CPXCR1: variants seen among roughly 807,000 people sequenced by gnomAD.
CPXCR1 encodes CPX chromosomal region candidate gene 1 protein.
In CPXCR1, 15 loss-of-function variants were observed where a neutral mutation model predicts 13.8. That is an observed-to-expected ratio of 1.09 (90% CI 0.73 to 1.67). The LOEUF (loss-of-function observed/expected upper bound fraction) is 1.67, where lower values mean the gene tolerates loss of function less well. CPXCR1 is among the 40% of genes most tolerant of loss of function. The probability of loss-of-function intolerance (pLI) is 0.00; values close to 1 mark genes in which losing one functional copy is unlikely to be tolerated. For missense variants in CPXCR1, 247 were observed against 223.6 expected (o/e 1.10, Z -0.67); for synonymous variants, 70 against 76.7 (o/e 0.91, Z 0.46).
chrX:88,753,882 A>T lies in CPXCR1; in HGVS notation c.468A>T (p.Leu156=), dbSNP rs777081287. The T allele has an allele frequency of 2.8e-5, 34 of 1,207,144 alleles. No individual in the cohort carries two copies. Among genetic ancestry groups the T allele is most frequent in the Non-Finnish European group, 3.7e-5 (33 of 892,784 alleles). ...HEIRSMILHL[L]CDRYFSQAAG... ...TAAGAAGTATGATTCTCCATCTGCT[A>T]TGTGATAGATATTTCTCTCAGGCTG... The change falls in exon 3 of 3, where the codon CTA becomes CTT. Residue 156 remains leucine, a synonymous_variant. Coordinates refer to ENST00000276127, the MANE Select transcript of CPXCR1 (RefSeq NM_033048.6).
chrX:88,751,153 C>T (rs754548596), intron 2 of CPXCR1, among the ~76,000 whole-genome samples: 4 of 111,145 alleles, frequency 3.6e-5, no homozygotes, highest in Non-Finnish European at 7.5e-5. Context: ...TTCTTTTAAT[C>T]GTGAGGTTAG....
Position 88,754,508 on chromosome X carries a change from T to C in CPXCR1, c.*188T>C, listed in dbSNP as rs750155743. 1 of 344,493 alleles carries C rather than the reference T, an allele frequency of 2.9e-6. No homozygotes were observed. The highest frequency in any genetic ancestry group is 4.3e-5 in the East Asian group (1 of 23,014). 28.4% of individuals were successfully genotyped at this position (344,493 alleles called of 1,213,427 possible). A position where few individuals can be genotyped will look rare whatever the true frequency, so the allele number is the denominator to read the frequency against. ...GAGTGAGGAAACATCTGTTTATACTTTGCTTTTACAAGTACATCATTGAAA... is the reference window on the plus strand; with the variant it reads ...GAGTGAGGAAACATCTGTTTATACTCTGCTTTTACAAGTACATCATTGAAA... On this transcript the variant is annotated 3_prime_UTR_variant, in exon 3 of 3. Coordinates refer to ENST00000276127, the MANE Select transcript of CPXCR1 (RefSeq NM_033048.6).
chrX:88,752,805 C>G (rs1227536632), intron 2 of CPXCR1, among the ~76,000 whole-genome samples: 1 of 111,122 alleles, frequency 9.0e-6, no homozygotes, highest in Non-Finnish European at 1.9e-5. Flanking sequence ...CCTCAGCCTC[C>G]CAAAGTGCTG....
intron 2 of CPXCR1, 118 bp from the exon 3 acceptor site, chrX:88,753,289 G>T: frequency 2.7e-6 from 1 of 376,213 alleles, no homozygotes. Context: ...ATTTATAGTT[G>T]CGAGAAGGCA....
At position 88,753,783 on chromosome X, in the gene CPXCR1, T is replaced by A. The variant is rs1569255450; in HGVS notation, c.369T>A (p.Asn123Lys). 8.3e-7 allele frequency: 1 copy of A among 1,210,093 alleles called. No homozygotes were observed. The highest frequency in any genetic ancestry group is 1.1e-6 in the Non-Finnish European group (1 of 894,566). Residue 123 changes from asparagine to lysine, a missense_variant, in exon 3 of 3, where the codon AAT becomes AAA. Asn to Lys is a moderately conservative substitution (Grantham distance 94). Transcript: ENST00000276127. ...HSGKVEMKAN[N>K]FPINHKTRFR... is the part of the protein sequence containing the mutation. ...GGAAAGTTGAGATGAAAGCAAACAA[T>A]TTCCCCATAAATCACAAAACTCGTT...
At chrX:88,752,661 C>T (rs1056075952) in intron 2 of CPXCR1, among the ~76,000 whole-genome samples, 1 of 110,060 alleles carries the variant, frequency 9.1e-6, no homozygotes, top group Non-Finnish European at 1.9e-5. Context: ...ATTCTCCTGT[C>T]TCAGTCTCCC....
intron 2 of CPXCR1, among the ~76,000 whole-genome samples, chrX:88,749,852 G>A (rs1017824265): frequency 1.9e-5 from 2 of 107,642 alleles, no homozygotes; most frequent in East Asian, 5.8e-4. Flanking sequence ...ACAAGACAAA[G>A]ATACGAGATA....
Position 88,753,908 on chromosome X carries a change from C to A in CPXCR1, c.494C>A (p.Ala165Glu). The change falls in exon 3 of 3, where the codon GCA becomes GAA. Residue 165 changes from alanine to glutamate, a missense_variant. Ala to Glu is a moderately radical substitution (Grantham distance 107). Coordinates refer to ENST00000276127, the MANE Select transcript of CPXCR1 (RefSeq NM_033048.6). ...LLCDRYFSQA[A>E]GCQNTMWVKR... ...TGTGATAGATATTTCTCTCAGGCTG[C>A]AGGGTGTCAGAATACCATGTGGGTA... 8.3e-7 allele frequency: 1 copy of A among 1,210,287 alleles called. No homozygotes were observed. The highest frequency in any genetic ancestry group is 1.1e-6 in the Non-Finnish European group (1 of 894,283).
chrX:88,752,015 C>G (rs1757571673), intron 2 of CPXCR1, among the ~76,000 whole-genome samples: 1 of 111,950 alleles, frequency 8.9e-6, no homozygotes, highest in Non-Finnish European at 1.9e-5. Context: ...GTCAATTTCT[C>G]AAACTCCACC....
chrX:88,750,350 G>A (rs1254793063), intron 2 of CPXCR1, among the ~76,000 whole-genome samples: 1 of 111,505 alleles, frequency 9.0e-6, no homozygotes, highest in Admixed American at 9.6e-5. Flanking sequence ...TTTGTCATTG[G>A]TTCTGTTTAT....
chrX:88,750,116 G>A (rs1474953664), intron 2 of CPXCR1, among the ~76,000 whole-genome samples: 1 of 111,121 alleles, frequency 9.0e-6, no homozygotes, highest in African/African-American at 3.3e-5. Flanking sequence ...TATTTTGAAT[G>A]GGAGTGGTGA....
chrX:88,750,952 A>T (rs12012455), intron 2 of CPXCR1, among the ~76,000 whole-genome samples: 1 of 110,314 alleles, frequency 9.1e-6, no homozygotes, highest in Non-Finnish European at 1.9e-5. Context: ...CATCTATTGG[A>T]TTCTTTTCCT....
intron 2 of CPXCR1, 59 bp from the exon 3 acceptor site, chrX:88,753,348 T>C (rs1253762191): frequency 7.0e-6 from 5 of 711,134 alleles, no homozygotes; most frequent in Non-Finnish European, 9.7e-6. Context: ...AGAATTGACT[T>C]CTTATAAAAT....
At chrX:88,752,672 A>T (rs1924955545) in intron 2 of CPXCR1, among the ~76,000 whole-genome samples, 1 of 109,623 alleles carries the variant, frequency 9.1e-6, no homozygotes. Flanking sequence ...TCAGTCTCCC[A>T]AGTAGCTAGG....
At chrX:88,751,265 T>C (rs1924910753) in intron 2 of CPXCR1, among the ~76,000 whole-genome samples, 1 of 112,039 alleles carries the variant, frequency 8.9e-6, no homozygotes, top group African/African-American at 3.2e-5. Flanking sequence ...TTCTGGTTTG[T>C]TGTGACTTTG....
intron 2 of CPXCR1, among the ~76,000 whole-genome samples, chrX:88,750,954 T>A (rs1315884387): frequency 2.7e-5 from 3 of 111,657 alleles, no homozygotes; most frequent in African/African-American, 9.8e-5. Context: ...TCTATTGGAT[T>A]CTTTTCCTTT....
rs1214335998 is a variant in CPXCR1, at chrX:88,747,292, C to G, written c.-192C>G. The stretch of plus-strand genomic sequence containing the variant: ...GAAGGCAGGACCCCGTGAAGCACAC[C>G]TTTCCTAAGGATTTTGACGAATGAG... On this transcript the variant is annotated 5_prime_UTR_variant, in exon 1 of 3. Transcript: ENST00000276127. 1 of 111,979 alleles carries G rather than the reference C, an allele frequency of 8.9e-6. No homozygotes were observed. The highest frequency in any genetic ancestry group is 1.9e-5 in the Non-Finnish European group (1 of 53,224). The allele number at this position is 111,979 out of a possible 1,213,427, so 9.2% of individuals were successfully genotyped here.
At chrX:88,748,243 G>A (rs1261670072) in intron 1 of CPXCR1, among the ~76,000 whole-genome samples, 1 of 110,283 alleles carries the variant, frequency 9.1e-6, no homozygotes, top group East Asian at 2.8e-4. Context: ...ATAACAAACA[G>A]TGAAATGTTG....
Position 88,748,209 on chromosome X carries a change from GA to G in CPXCR1, c.-115+846del, listed in dbSNP as rs376123552. 2.1e-3 allele frequency among the ~76,000 whole-genome samples: 233 copies of G among 110,394 alleles called. 4 individuals carry two copies. In the South Asian group the frequency reaches 0.039, roughly 18 times the overall value. ...ATATACATCTACATTTATCTTTGTG[GA>G]AAAAATGATTTTGGTTTTCTGTATA... On this transcript the variant is annotated intron_variant, in intron 1 of 2. Transcript: ENST00000276127.
Sources: allele counts gnomAD v4.1 joint callset (sites outside exome capture counted in the v4.1 genomes callset), GRCh38; gene constraint gnomAD v4.1.1; transcripts MANE v1.5; gene names NCBI Gene and HGNC (gene_info 2026-07-23, HGNC 2026-07-21).